Variants in AHNAK observed in about 807,000 individuals in gnomAD.
AHNAK encodes the protein neuroblast differentiation-associated protein AHNAK.
Under a neutral mutation model 37.8 loss-of-function variants are expected in AHNAK, and 23 were observed. The observed-to-expected ratio is 0.61, with a 90% CI of 0.44 to 0.86. AHNAK has a LOEUF of 0.86. Ranked by LOEUF, AHNAK falls within the 40% of genes least tolerant of loss-of-function variation. The pLI, the probability that AHNAK is intolerant of heterozygous loss-of-function variation, is 0.00. For missense variants in AHNAK, 7,411 were observed against 7,319.4 expected (o/e 1.01, Z -0.46); for synonymous variants, 2,481 against 2,636.3 (o/e 0.94, Z 1.80).
rs1940824694 is a variant in AHNAK at position 62,533,229 on chromosome 11, C to T, written c.1188G>A (p.Gly396=). 2.6e-6 allele frequency: 4 copies of T among 1,526,168 alleles called. No individual in the cohort carries two copies. The highest frequency in any genetic ancestry group is 4.5e-5 in the East Asian group (2 of 44,326). 94.5% of individuals were successfully genotyped at this position (1,526,168 alleles called of 1,614,324 possible). ...CAATTTGGGGAGCAGAGGCATCCAC[C>T]CCAATGTGCCCCTGTGGCTTGGCAC... ...LKGAKPQGHI[G]VDASAPQIGG... Residue 396 remains glycine, a synonymous_variant, in exon 5 of 5, where the codon GGG becomes GGA. Transcript: ENST00000378024.
chr11:62,436,855 C>T (rs998750533), intron 5 of AHNAK, among the ~76,000 whole-genome samples: 2 of 151,746 alleles, frequency 1.3e-5, no homozygotes, highest in South Asian at 2.1e-4. Context: ...AGGAGAATGG[C>T]GTGAACCCAG....
intron 5 of AHNAK, among the ~76,000 whole-genome samples, chr11:62,459,798 T>C (rs996680767): frequency 6.6e-6 from 1 of 152,160 alleles, no homozygotes; most frequent in Non-Finnish European, 1.5e-5. Context: ...AAATCCCTCT[T>C]ACAGGTCATT....
chr11:62,523,855 C>G lies in AHNAK; in HGVS notation c.10562G>C (p.Gly3521Ala), dbSNP rs748372406. Residue 3521 changes from glycine to alanine, a missense_variant, in exon 5 of 5, where the codon GGT (glycine) becomes GCT (alanine). Physicochemically the swap from Gly to Ala is moderately conservative, Grantham distance 60 (BLOSUM62 0). Coordinates refer to ENST00000378024, the MANE Select transcript of AHNAK (RefSeq NM_001620.3). ...NIEGPDLNVE[G>A]PEGGLKGPKF... is the part of the protein sequence containing the mutation. Reference sequence around the variant, plus strand: ...GGGACCTTTCAAGCCTCCCTCCGGACCTTCCACATTGAGATCTGGGCCCTC... The same window carrying G: ...GGGACCTTTCAAGCCTCCCTCCGGAGCTTCCACATTGAGATCTGGGCCCTC... 4.3e-6 allele frequency: 7 copies of G among 1,614,010 alleles called. No homozygotes were observed. Among genetic ancestry groups the G allele is most frequent in the Non-Finnish European group, 5.9e-6 (7 of 1,180,012 alleles).
intron 1 of AHNAK, among the ~76,000 whole-genome samples, chr11:62,537,767 C>T (rs1294722181): frequency 6.6e-6 from 1 of 151,954 alleles, no homozygotes; most frequent in African/African-American, 2.4e-5. Flanking sequence ...ACTGCAACCT[C>T]CCCCTCCCAG....
chr11:62,497,979 T>C (rs1425264685), intron 4 of AHNAK, among the ~76,000 whole-genome samples: 1 of 149,670 alleles, frequency 6.7e-6, no homozygotes, highest in Non-Finnish European at 1.5e-5. Context: ...AAAAAAAAAG[T>C]AAACACTGGA....
Position 62,460,949 on chromosome 11 carries a change from T to C in AHNAK, c.443-27058A>G, listed in dbSNP as rs1182144106. On this transcript the variant is annotated intron_variant, in intron 5 of 5. Coordinates refer to the AHNAK transcript ENST00000257247. Reference sequence around the variant, plus strand: ...CATTCTCCTGCCTCAGCCTCCCGAGTAGCTGCGACTACAGGCGCCTGCCAC... The same window carrying C: ...CATTCTCCTGCCTCAGCCTCCCGAGCAGCTGCGACTACAGGCGCCTGCCAC... Among the ~76,000 whole-genome samples the C allele has an allele frequency of 2.0e-5, 3 of 150,804 alleles. No individual in the cohort carries two copies. The East Asian group carries it at 5.9e-4, about 29-fold the overall frequency.
intron 1 of AHNAK, chr11:62,542,072 G>A: frequency 6.6e-6 from 1 of 152,416 alleles, no homozygotes; most frequent in Non-Finnish European, 1.5e-5. Flanking sequence ...TTACCAGGAA[G>A]AATTAGATGA....
rs754215238 is a variant in AHNAK at position 62,517,011 on chromosome 11, T to C, written c.17406A>G (p.Glu5802=). The C allele has an allele frequency of 1.9e-6, 3 of 1,614,200 alleles. No individual in the cohort carries two copies. The Admixed American group carries it at 5.0e-5, about 27-fold the overall frequency. ...PSTPTGTLEF[E]GGEVSLEGGK... ...CACCTTCCAGAGACACTTCCCCACC[T>C]TCAAACTCCAGCGTCCCCGTCGGGG... The change falls in exon 5 of 5, where the codon GAA becomes GAG. Residue 5802 remains glutamate, a synonymous_variant. Transcript: ENST00000378024.
At position 62,523,370 on chromosome 11, in the gene AHNAK, G is replaced by C. The variant is rs765496901; in HGVS notation, c.11047C>G (p.Pro3683Ala). ...MPDFDLNLKG[P>A]KMKGDVVVSL... ...ACAACCACATCACCCTTCATTTTGG[G>C]TCCCTTCAAGTTCAGGTCAAAGTCA... The change falls in exon 5 of 5, where the codon CCC becomes GCC. Residue 3683 changes from proline (P) to alanine (A), a missense_variant. Coordinates refer to ENST00000378024, the MANE Select transcript of AHNAK (RefSeq NM_001620.3). 10 of 1,612,408 alleles carry C rather than the reference G, an allele frequency of 6.2e-6. No homozygotes were observed. The South Asian group carries it at 7.7e-5, about 12-fold the overall frequency.
At chr11:62,469,533 C>T (rs1938985827) in intron 5 of AHNAK, among the ~76,000 whole-genome samples, 1 of 152,028 alleles carries the variant, frequency 6.6e-6, no homozygotes, top group Admixed American at 6.6e-5. Flanking sequence ...TATGCAATGT[C>T]AGCTCACTGT....
intron 5 of AHNAK, among the ~76,000 whole-genome samples, chr11:62,485,929 G>C (rs550367118): frequency 6.6e-6 from 1 of 150,888 alleles, no homozygotes; most frequent in African/African-American, 2.4e-5. Flanking sequence ...GCTGAGGCAG[G>C]GGAATCACTT....
exon 6 of AHNAK, chr11:62,433,670 C>T (rs1938093686): frequency 3.2e-6 from 2 of 620,732 alleles, no homozygotes; most frequent in Admixed American, 6.1e-5. Flanking sequence ...AAGAAATGCA[C>T]CAAGCAGGGC....
rs116050823 is a variant in AHNAK, at chr11:62,492,226, T to C, written c.343-395A>G. 3.9e-3 allele frequency among the ~76,000 whole-genome samples: 589 copies of C among 152,332 alleles called. 2 individuals carry two copies. Among genetic ancestry groups the C allele is most frequent in the African/African-American group, 0.014 (562 of 41,582 alleles). ...CAATGTGTAAGAAAGGAGGGTTTTA[T>C]TGTGGGACCACAGCACTCATCGGTT... On this transcript the variant is annotated intron_variant, in intron 4 of 5. Coordinates refer to the AHNAK transcript ENST00000257247.
chr11:62,450,820 C>T (rs896654348), intron 5 of AHNAK, among the ~76,000 whole-genome samples: 3 of 152,270 alleles, frequency 2.0e-5, no homozygotes, highest in African/African-American at 7.2e-5. Context: ...GCATCTAGCA[C>T]AGCACCAGAC....
rs535075350 is a variant in AHNAK at position 62,539,620 on chromosome 11, C to T, written c.-99-3053G>A. Among the ~76,000 whole-genome samples, 131 of 152,362 alleles carry T rather than the reference C, an allele frequency of 8.6e-4. 1 individual carries two copies. The highest frequency in any genetic ancestry group is 2.9e-3 in the African/African-American group (121 of 41,592). On this transcript the variant is annotated intron_variant, in intron 1 of 4. Transcript: ENST00000378024. ...CCTGCCAGGGCCTCAGGCAGAGTCC[C>T]AGGGCAGAAGTCCCTTTTGAGGCCC...
rs749390149 is a variant in AHNAK, at chr11:62,535,004, A to C, written c.341T>G (p.Leu114Arg). 6.2e-7 allele frequency: 1 copy of C among 1,606,480 alleles called. No homozygotes were observed. Among genetic ancestry groups the C allele is most frequent in the Non-Finnish European group, 8.5e-7 (1 of 1,174,260 alleles). Residue 114 changes from leucine (L) to arginine (R), a missense_variant and splice_region_variant, in exon 4 of 5, where the codon CTG becomes CGG. Transcript: ENST00000378024. Reference sequence around the variant, plus strand: ...CAGATGGGCCGGCGAGGTACTCACCAGAACCACTTCAGAGCTGCAGGAGCT... The same window carrying C: ...CAGATGGGCCGGCGAGGTACTCACCCGAACCACTTCAGAGCTGCAGGAGCT... ...VFSSCSSEVV[L>R]SGDDEEYQRI...
intron 4 of AHNAK, among the ~76,000 whole-genome samples, chr11:62,503,331 G>A (rs1939748180): frequency 6.6e-6 from 1 of 152,236 alleles, no homozygotes; most frequent in Non-Finnish European, 1.5e-5. Context: ...GCTCACGCCT[G>A]TAATCCCAGC....
In AHNAK at chr11:62,517,689, G is replaced by A. The variant is rs1304496396; in HGVS notation, c.16728C>T (p.Val5576=). 1 of 1,614,170 alleles carries A rather than the reference G, an allele frequency of 6.2e-7. No homozygotes were observed. Among genetic ancestry groups the A allele is most frequent in the Admixed American group, 1.7e-5 (1 of 60,012 alleles). Residue 5576 remains valine (V), a synonymous_variant, in exon 5 of 5, where the codon GTC becomes GTT. Transcript: ENST00000378024. ...IKGGADVSGG[V]SAPDISLGEG... ...CACCAAGGCTGATGTCTGGGGCACT[G>A]ACACCCCCTGAAACATCCGCACCTC...
chr11:62,440,658 T>A (rs1352343845), intron 5 of AHNAK, among the ~76,000 whole-genome samples: 2 of 152,144 alleles, frequency 1.3e-5, no homozygotes, highest in African/African-American at 2.4e-5. Flanking sequence ...TTATGCTGCC[T>A]GGCCACACCT....
Sources: gnomAD v4.1 joint callset for allele counts (sites outside exome capture counted in the v4.1 genomes callset) on GRCh38, gnomAD v4.1.1 for gene constraint, MANE v1.5 for transcripts, NCBI Gene and HGNC (gene_info 2026-07-23, HGNC 2026-07-21) for gene names.